Variants in KCNH7 observed in about 807,000 individuals in gnomAD.
KCNH7 encodes potassium voltage-gated channel subfamily H member 7.
A neutral mutation model predicts 120.8 loss-of-function variants in KCNH7; 49 were observed. The observed-to-expected ratio is 0.41, with a 90% CI of 0.32 to 0.51. KCNH7 has a LOEUF of 0.51. KCNH7 is among the 20% of genes least tolerant of loss of function. KCNH7 has a pLI of 0.38. For missense variants in KCNH7, 1,097 were observed against 1,446.6 expected (o/e 0.76, Z 3.92); for synonymous variants, 547 against 516.1 (o/e 1.06, Z -0.81).
In KCNH7 at chr2:162,435,598, C is replaced by A; in HGVS notation, c.1555-1G>T. 6.3e-7 allele frequency: 1 copy of A among 1,576,950 alleles called. No individual in the cohort carries two copies. The highest frequency in any genetic ancestry group is 8.6e-7 in the Non-Finnish European group (1 of 1,161,160). Reference sequence around the variant, plus strand: ...TCAAAAGACCAATTAATGTTGTTGTCTGTAGAAATAAATGTACACAGTCAG... The same window carrying A: ...TCAAAAGACCAATTAATGTTGTTGTATGTAGAAATAAATGTACACAGTCAG... On this transcript the variant is annotated splice_acceptor_variant, in intron 7 of 15. Coordinates refer to ENST00000332142, the MANE Select transcript of KCNH7 (RefSeq NM_033272.4). LOFTEE classifies it high-confidence loss of function.
At position 162,596,504 on chromosome 2, in the gene KCNH7, T is replaced by C. The variant is rs561494178; in HGVS notation, c.308-59424A>G. Among the ~76,000 whole-genome samples, 233 of 152,102 alleles carry C rather than the reference T, an allele frequency of 1.5e-3. 1 individual carries two copies. Among genetic ancestry groups the C allele is most frequent in the African/African-American group, 4.9e-3 (205 of 41,548 alleles). On this transcript the variant is annotated intron_variant, in intron 2 of 15. Transcript: ENST00000332142. ...TTGTTGGAAAAACTGGCTCTCTACA[T>C]GCACAATAATGAAATTGGACCACTA...
intron 2 of KCNH7, among the ~76,000 whole-genome samples, chr2:162,768,127 C>T (rs28545611): frequency 0.24 from 36,031 of 151,948 alleles, 4,476 homozygotes; most frequent in African/African-American, 0.31. Context: ...AAAATATGTC[C>T]CACGTTTTAA....
intron 2 of KCNH7, among the ~76,000 whole-genome samples, chr2:162,562,778 C>A (rs1693119708): frequency 6.6e-6 from 1 of 152,160 alleles, no homozygotes; most frequent in South Asian, 2.1e-4. Flanking sequence ...CTTTGTCTTG[C>A]CCATCTTGCT....
At chr2:162,572,208 T>C (rs1239416998) in intron 2 of KCNH7, among the ~76,000 whole-genome samples, 1 of 151,608 alleles carries the variant, frequency 6.6e-6, no homozygotes, top group African/African-American at 2.4e-5. Flanking sequence ...AAGAAAAAAA[T>C]AAACAACCCC....
chr2:162,440,741 C>T (rs1688391959), intron 7 of KCNH7, among the ~76,000 whole-genome samples: 1 of 151,862 alleles, frequency 6.6e-6, no homozygotes, highest in African/African-American at 2.4e-5. Flanking sequence ...TATTTAATAA[C>T]CTTTATTATT....
At chr2:162,420,754 G>T (rs773128330) in intron 9 of KCNH7, among the ~76,000 whole-genome samples, 1 of 152,040 alleles carries the variant, frequency 6.6e-6, no homozygotes, top group African/African-American at 2.4e-5. Context: ...GAAATGTTTC[G>T]TGAGAAATTA....
chr2:162,668,467 A>T (rs1685225222), intron 2 of KCNH7, among the ~76,000 whole-genome samples: 1 of 152,190 alleles, frequency 6.6e-6, no homozygotes, highest in South Asian at 2.1e-4. Context: ...TAAAAATCAC[A>T]AGCCACCACT....
intron 2 of KCNH7, among the ~76,000 whole-genome samples, chr2:162,591,027 C>A (rs573369690): frequency 6.6e-6 from 1 of 152,130 alleles, no homozygotes; most frequent in East Asian, 1.9e-4. Context: ...ATACTCACCC[C>A]CAATGCCCTT....
At position 162,384,818 on chromosome 2, in the gene KCNH7, T is replaced by C. The variant is rs541374715; in HGVS notation, c.2832A>G (p.Glu944=). 6 of 1,612,906 alleles carry C rather than the reference T, an allele frequency of 3.7e-6. No individual in the cohort carries two copies. The South Asian group carries it at 6.6e-5, about 18-fold the overall frequency. ...CTATTCCTGAGAAGAGCGGCTTTTG[T>C]TCATCATCAATGGAGGAGATGAAAG... The part of the protein sequence containing the change: ...SSSFISSIDD[E]QKPLFSGIVD... The change falls in exon 13 of 16, where the codon GAA becomes GAG. Residue 944 remains glutamate (E), a synonymous_variant. Coordinates refer to ENST00000332142, the MANE Select transcript of KCNH7 (RefSeq NM_033272.4).
chr2:162,391,922 C>A lies in KCNH7; in HGVS notation c.2710+2467G>T, dbSNP rs186983494. Among the ~76,000 whole-genome samples the A allele has an allele frequency of 3.3e-5, 5 of 152,032 alleles. No homozygotes were observed. In the East Asian group the frequency reaches 9.7e-4, roughly 30 times the overall value. Reference sequence around the variant, plus strand: ...TAGTGGTTCTGATTTTAGAAAAAGTCACCAAGAAAATAATTAAAGACATTG... The same window carrying A: ...TAGTGGTTCTGATTTTAGAAAAAGTAACCAAGAAAATAATTAAAGACATTG... On this transcript the variant is annotated intron_variant, in intron 12 of 15. Transcript: ENST00000332142.
intron 2 of KCNH7, among the ~76,000 whole-genome samples, chr2:162,775,246 G>A (rs1186304477): frequency 2.6e-5 from 4 of 152,100 alleles, no homozygotes; most frequent in Non-Finnish European, 5.9e-5. Context: ...CTTTAACAGT[G>A]AGTCTAGTTT....
chr2:162,601,148 A>C (rs1694537465), intron 2 of KCNH7, among the ~76,000 whole-genome samples: 1 of 152,034 alleles, frequency 6.6e-6, no homozygotes, highest in Admixed American at 6.6e-5. Context: ...TAGTTGGAGA[A>C]GAATGTGATT....
At chr2:162,377,907 A>C (rs1443721890) in intron 14 of KCNH7, among the ~76,000 whole-genome samples, 1 of 152,208 alleles carries the variant, frequency 6.6e-6, no homozygotes. Flanking sequence ...AACAATTTTT[A>C]TTACTATTGG....
intron 2 of KCNH7, among the ~76,000 whole-genome samples, chr2:162,566,129 T>A (rs1693242885): frequency 6.6e-6 from 1 of 151,940 alleles, no homozygotes; most frequent in African/African-American, 2.4e-5. Flanking sequence ...AAGAGGCCGC[T>A]GCCTTTTGGG....
At chr2:162,699,565 G>A (rs1421567607) in intron 2 of KCNH7, among the ~76,000 whole-genome samples, 3 of 152,096 alleles carry the variant, frequency 2.0e-5, no homozygotes, top group African/African-American at 7.2e-5. Flanking sequence ...TGCAGAATGT[G>A]CAGTAATGGG....
At position 162,372,066 on chromosome 2, in the gene KCNH7, A is replaced by G; in HGVS notation, c.3354T>C (p.Ser1118=). ...QCPEFLDLEK[S]KLKSKESLSS... is the part of the protein sequence containing the mutation. ...AAAGGGATTCTTTGGATTTAAGTTTAGATTTTTCAAGGTCTAGAAATTCAG... is the reference window on the plus strand; with the variant it reads ...AAAGGGATTCTTTGGATTTAAGTTTGGATTTTTCAAGGTCTAGAAATTCAG... Residue 1118 remains serine (S), a synonymous_variant, in exon 16 of 16, where the codon TCT becomes TCC. Coordinates refer to ENST00000332142, the MANE Select transcript of KCNH7 (RefSeq NM_033272.4). The G allele has an allele frequency of 6.2e-7, 1 of 1,613,016 alleles. No homozygotes were observed. Among genetic ancestry groups the G allele is most frequent in the African/African-American group, 1.3e-5 (1 of 75,020 alleles).
rs1689916950 is a variant in KCNH7 at position 162,481,105 on chromosome 2, C to A, written c.1128+23338G>T. 2.0e-5 allele frequency among the ~76,000 whole-genome samples: 3 copies of A among 152,214 alleles called. No individual in the cohort carries two copies. The South Asian group carries it at 6.2e-4, about 32-fold the overall frequency. ...TGCCCCCTTTCTGCTCACAGATTGC[C>A]CCATTTATTACCAGTATAAATTTTG... On this transcript the variant is annotated intron_variant, in intron 6 of 15. Coordinates refer to ENST00000332142, the MANE Select transcript of KCNH7 (RefSeq NM_033272.4).
chr2:162,759,337 C>T (rs1002623904), intron 2 of KCNH7, among the ~76,000 whole-genome samples: 1 of 152,014 alleles, frequency 6.6e-6, no homozygotes, highest in East Asian at 1.9e-4. Flanking sequence ...GGACTAATAG[C>T]TGCATGGTAT....
chr2:162,788,811 G>A (rs540262391), intron 2 of KCNH7, among the ~76,000 whole-genome samples: 12 of 151,776 alleles, frequency 7.9e-5, no homozygotes, highest in East Asian at 3.9e-4. Flanking sequence ...TAAAGAGATC[G>A]TCACTGAGAC....
Sources: allele counts gnomAD v4.1 joint callset (sites outside exome capture counted in the v4.1 genomes callset), GRCh38; gene constraint gnomAD v4.1.1; transcripts MANE v1.5; gene names NCBI Gene and HGNC (gene_info 2026-07-23, HGNC 2026-07-21).